The following PCLO variants were observed in gnomAD, a reference collection of about 807,000 sequenced individuals.
The protein encoded by PCLO is protein piccolo.
In PCLO, 82 loss-of-function variants were observed where a neutral mutation model predicts 427.5. The observed-to-expected ratio is 0.19, with a 90% confidence interval of 0.16 to 0.23. The LOEUF is 0.23. PCLO is among the 10% of genes least tolerant of loss of function. PCLO has a pLI of 1.00. For synonymous variants in PCLO, 2,357 were observed against 2,155.4 expected (o/e 1.09, Z -2.59); for missense variants, 6,239 against 6,115.9 (o/e 1.02, Z -0.67).
intron 6 of PCLO, among the ~76,000 whole-genome samples, chr7:82,925,918 T>A (rs1794702462): frequency 6.6e-6 from 1 of 151,760 alleles, no homozygotes; most frequent in Non-Finnish European, 1.5e-5. Context: ...GGGGTCCCAC[T>A]ATGTTGCCCC....
chr7:83,118,560 T>C (rs1791191272), intron 3 of PCLO, among the ~76,000 whole-genome samples: 2 of 151,906 alleles, frequency 1.3e-5, no homozygotes, highest in African/African-American at 2.4e-5. Context: ...AGCAAAGTGA[T>C]TGTAGGACCC....
Position 82,954,604 on chromosome 7 carries a change from T to C in PCLO, c.6349A>G (p.Thr2117Ala). The C allele has an allele frequency of 2.5e-6, 4 of 1,613,950 alleles. No individual in the cohort carries two copies. Among genetic ancestry groups the C allele is most frequent in the Non-Finnish European group, 3.4e-6 (4 of 1,179,858 alleles). The part of the protein sequence containing the change: ...TSSVLSGASL[T>A]DSTSSATLSI... ...AGTGTTGCACTGCTGGTCGAATCTG[T>C]AAGAGACGCTCCTGAGAGAACACTT... The change falls in exon 5 of 25, where the codon ACA becomes GCA. Residue 2117 changes from threonine (T) to alanine (A), a missense_variant. This residue lies in a region of PCLO where 4,677 missense variants were observed against 4,468.4 expected (regional missense o/e 1.05). Transcript: ENST00000333891.
At chr7:83,118,140 G>A (rs759683221) in intron 3 of PCLO, among the ~76,000 whole-genome samples, 1 of 152,000 alleles carries the variant, frequency 6.6e-6, no homozygotes, top group African/African-American at 2.4e-5. Flanking sequence ...CTTTCAGCTC[G>A]CACTATAACA....
At chr7:82,805,905 ATCT>A (rs1791448900) in intron 20 of PCLO, 76 bp from the exon 21 acceptor site, 2 of 1,367,710 alleles carry the variant, frequency 1.5e-6, no homozygotes, top group Non-Finnish European at 2.0e-6. Context: ...ATCATTATAC[ATCT>A]TCTTAATTTA....
chr7:83,043,919 T>TTTTTTTTTTTTTTTTTTTTTG (rs1789037872), intron 3 of PCLO, among the ~76,000 whole-genome samples: 1 of 104,570 alleles, frequency 9.6e-6, no homozygotes, highest in Non-Finnish European at 2.0e-5. Context: ...TTTCTTTTTT[T>TTTTTTTTTTTTTTTTTTTTTG]TTTTTTTTTT....
chr7:82,983,822 T>C (rs1360389681), intron 3 of PCLO, among the ~76,000 whole-genome samples: 2 of 151,900 alleles, frequency 1.3e-5, no homozygotes, highest in Non-Finnish European at 2.9e-5. Context: ...TTACATTCTG[T>C]GTGAAAGTCA....
intron 3 of PCLO, among the ~76,000 whole-genome samples, chr7:83,094,707 AAG>A (rs1790488081): frequency 2.0e-5 from 3 of 152,310 alleles, no homozygotes; most frequent in South Asian, 2.1e-4. Flanking sequence ...GTTTGTGGAC[AAG>A]TGGTTGTATG....
chr7:83,063,004 TTCA>T (rs1464494667), intron 3 of PCLO, among the ~76,000 whole-genome samples: 1 of 152,088 alleles, frequency 6.6e-6, no homozygotes, highest in Non-Finnish European at 1.5e-5. Flanking sequence ...TTATATTTTC[TTCA>T]TATTATATTT....
intron 22 of PCLO, among the ~76,000 whole-genome samples, chr7:82,781,322 C>T (rs750985915): frequency 6.6e-6 from 1 of 151,872 alleles, no homozygotes; most frequent in Non-Finnish European, 1.5e-5. Context: ...CAACAACCCC[C>T]TCCAGCCCCC....
At chr7:82,905,843 A>G (rs1794176403) in intron 8 of PCLO, among the ~76,000 whole-genome samples, 3 of 152,050 alleles carry the variant, frequency 2.0e-5, no homozygotes, top group Non-Finnish European at 4.4e-5. Context: ...AAGGGATTTT[A>G]TAATAGTCAA....
chr7:82,832,938 G>A (rs910790891), intron 16 of PCLO, among the ~76,000 whole-genome samples: 5 of 151,784 alleles, frequency 3.3e-5, no homozygotes, highest in Admixed American at 2.6e-4. Context: ...ATAGTGCGAT[G>A]GTGTGCTTAT....
At chr7:83,088,811 T>C (rs1790304123) in intron 3 of PCLO, among the ~76,000 whole-genome samples, 1 of 152,132 alleles carries the variant, frequency 6.6e-6, no homozygotes, top group South Asian at 2.1e-4. Context: ...GAAAGTACAG[T>C]GTTGCCTCCC....
At chr7:83,033,594 T>A (rs1168291762) in intron 3 of PCLO, among the ~76,000 whole-genome samples, 1 of 152,196 alleles carries the variant, frequency 6.6e-6, no homozygotes, top group Admixed American at 6.5e-5. Flanking sequence ...CCTTTGCTGA[T>A]AAACTAACCT....
At chr7:83,153,990 C>T (rs966091449) in intron 2 of PCLO, among the ~76,000 whole-genome samples, 2 of 152,042 alleles carry the variant, frequency 1.3e-5, no homozygotes, top group African/African-American at 4.8e-5. Context: ...AGTCAGTTAA[C>T]TTGCTGAGAA....
chr7:82,959,174 C>T (rs554740750), intron 4 of PCLO, among the ~76,000 whole-genome samples: 1 of 152,170 alleles, frequency 6.6e-6, no homozygotes, highest in South Asian at 2.1e-4. Context: ...TCAAGCCATT[C>T]TCCTGCCTCA....
rs777578080 is a variant in PCLO, at chr7:82,916,355, T to C, written c.11631A>G (p.Gln3877=). 11 of 1,613,620 alleles carry C rather than the reference T, an allele frequency of 6.8e-6. No individual in the cohort carries two copies. In the South Asian group the frequency reaches 7.7e-5, roughly 11 times the overall value. The change falls in exon 7 of 25, where the codon CAA becomes CAG. Residue 3877 remains glutamine, a synonymous_variant. Coordinates refer to ENST00000333891, the MANE Select transcript of PCLO (RefSeq NM_033026.6). ...TGTAAGGACTTGTCGGAGGAACTAG[T>C]TGAGATTCTGTTTGGGTTTGTGGTG... The part of the protein sequence containing the change: ...FIPPQTQTES[Q]LVPPTSPYTQ...
At chr7:82,925,813 T>C (rs1794700216) in intron 6 of PCLO, among the ~76,000 whole-genome samples, 1 of 144,914 alleles carries the variant, frequency 6.9e-6, no homozygotes, top group Non-Finnish European at 1.5e-5. Flanking sequence ...TGACCTGGAC[T>C]CAAGTGATCC....
intron 14 of PCLO, among the ~76,000 whole-genome samples, chr7:82,838,878 T>C (rs554076605): frequency 2.0e-5 from 3 of 152,124 alleles, no homozygotes; most frequent in African/African-American, 7.2e-5. Flanking sequence ...ATATTAAACC[T>C]ATAGATACCT....
At position 82,956,010 on chromosome 7, in the gene PCLO, G is replaced by C. The variant is rs745426174; in HGVS notation, c.4943C>G (p.Thr1648Ser). The C allele has an allele frequency of 1.9e-6, 3 of 1,613,100 alleles. No individual in the cohort carries two copies. The highest frequency in any genetic ancestry group is 2.2e-5 in the East Asian group (1 of 44,898). Reference sequence around the variant, plus strand: ...AAGTTCTTCACTTTCCTGACTTTTAGTTTCTCTGTATTTAAGTTCAGGACT... The same window carrying C: ...AAGTTCTTCACTTTCCTGACTTTTACTTTCTCTGTATTTAAGTTCAGGACT... ...DESPELKYRETKSQESEELVV... is the reference protein window; with the variant it reads ...DESPELKYRESKSQESEELVV... Residue 1648 changes from threonine to serine, a missense_variant, in exon 5 of 25, where the codon ACT becomes AGT. Physicochemically the swap from Thr to Ser is moderately conservative, Grantham distance 58. Transcript: ENST00000333891.
Sources: gnomAD v4.1 joint callset for allele counts (sites outside exome capture counted in the v4.1 genomes callset) on GRCh38, gnomAD v4.1.1 for gene constraint, gnomAD v4.1.1 regional missense constraint, MANE v1.5 for transcripts, NCBI Gene and HGNC (gene_info 2026-07-23, HGNC 2026-07-21) for gene names.